Variants in AGBL1 observed in about 807,000 individuals in gnomAD.
The protein encoded by AGBL1 is cytosolic carboxypeptidase 4.
In AGBL1, 130 loss-of-function variants were observed where a neutral mutation model predicts 118.9. The ratio of observed to expected loss-of-function variants is 1.09; its 90% confidence interval spans 0.95 to 1.26. The LOEUF is 1.26. AGBL1 is among the 50% of genes most tolerant of loss of function. The pLI is 0.00. For missense variants in AGBL1, 1,584 were observed against 1,298.1 expected (o/e 1.22, Z -3.38); for synonymous variants, 555 against 478.9 (o/e 1.16, Z -2.08).
At chr15:86,426,418 T>C (rs2081867086) in intron 18 of AGBL1, among the ~76,000 whole-genome samples, 1 of 152,228 alleles carries the variant, frequency 6.6e-6, no homozygotes, top group Admixed American at 6.5e-5. Flanking sequence ...AGCTATTTGC[T>C]TAAGTGAGCA....
At chr15:86,580,364 A>G (rs1028978695) in intron 21 of AGBL1, among the ~76,000 whole-genome samples, 1 of 152,188 alleles carries the variant, frequency 6.6e-6, no homozygotes, top group African/African-American at 2.4e-5. Flanking sequence ...AGTCAACTTA[A>G]CTATGTATAC....
At position 86,613,741 on chromosome 15, in the gene AGBL1, G is replaced by A. The variant is rs946231630; in HGVS notation, c.2994+59204G>A. Among the ~76,000 whole-genome samples, 2 of 152,194 alleles carry A rather than the reference G, an allele frequency of 1.3e-5. No individual in the cohort carries two copies. Among genetic ancestry groups the A allele is most frequent in the Non-Finnish European group, 1.5e-5 (1 of 68,040 alleles). On this transcript the variant is annotated intron_variant, in intron 21 of 22. Coordinates refer to ENST00000614907, the MANE Select transcript of AGBL1 (RefSeq NM_001386094.1). The surrounding 1 kb of genome is among the most constrained non-coding windows in gnomAD (Gnocchi z 4.2). ...TACTCCAAGTAGGATCTTCAGAACA[G>A]CATCATCTCCATCACCAGGGAGCTT...
At chr15:86,101,329 T>A (rs1896701388) in intron 1 of AGBL1, among the ~76,000 whole-genome samples, 1 of 152,182 alleles carries the variant, frequency 6.6e-6, no homozygotes, top group Admixed American at 6.5e-5. Flanking sequence ...AAGTATATTC[T>A]GTAACTTGTG....
At chr15:86,283,907 G>A (rs1313050663) in intron 16 of AGBL1, among the ~76,000 whole-genome samples, 4 of 152,064 alleles carry the variant, frequency 2.6e-5, no homozygotes, top group African/African-American at 9.7e-5. Flanking sequence ...TTTAGTCTAG[G>A]TGTTGTGTTT....
intron 19 of AGBL1, among the ~76,000 whole-genome samples, chr15:86,539,801 G>A (rs2083470208): frequency 6.6e-6 from 1 of 152,172 alleles, no homozygotes; most frequent in South Asian, 2.1e-4. Flanking sequence ...CTCCCTTGGA[G>A]TGCAATGTGA....
intron 17 of AGBL1, among the ~76,000 whole-genome samples, chr15:86,347,457 C>A (rs532260411): frequency 6.6e-6 from 1 of 152,302 alleles, no homozygotes; most frequent in East Asian, 1.9e-4. Context: ...GAGTCATTGG[C>A]AAGCTTTGTT....
rs1426593369 is a variant in AGBL1, at chr15:86,224,966, T to A, written c.526+15T>A. 1.4e-5 allele frequency: 22 copies of A among 1,612,794 alleles called. 1 individual carries two copies. The highest frequency in any genetic ancestry group is 1.8e-5 in the Non-Finnish European group (21 of 1,179,214). ...GCTGAAATCCAGTAAGCACCTCTTT[T>A]GAAGGGTGGCTATTTCTCTCCACTC... On this transcript the variant is annotated intron_variant, in intron 6 of 22. Coordinates refer to ENST00000614907, the MANE Select transcript of AGBL1 (RefSeq NM_001386094.1).
At chr15:86,562,087 A>G (rs554336119) in intron 21 of AGBL1, among the ~76,000 whole-genome samples, 107 of 152,334 alleles carry the variant, frequency 7.0e-4, no homozygotes, top group African/African-American at 2.5e-3. Flanking sequence ...ATATACAATT[A>G]TGTCATCTGC....
chr15:86,608,335 G>T (rs1460130658), intron 21 of AGBL1, among the ~76,000 whole-genome samples: 1 of 152,198 alleles, frequency 6.6e-6, no homozygotes, highest in South Asian at 2.1e-4. Flanking sequence ...AAGCAGAGAA[G>T]AGGGACTGCT....
intron 23 of AGBL1, among the ~76,000 whole-genome samples, chr15:86,971,721 C>T (rs1191713807): frequency 2.0e-5 from 3 of 151,764 alleles, no homozygotes; most frequent in Non-Finnish European, 4.4e-5. Context: ...ATTCTTTGGC[C>T]AGCTGAATTA....
chr15:86,716,470 C>T (rs1173914326), intron 22 of AGBL1, among the ~76,000 whole-genome samples: 3 of 152,160 alleles, frequency 2.0e-5, no homozygotes, highest in South Asian at 2.1e-4. Context: ...TGTAGCTGAG[C>T]TAAATGTGTC....
chr15:86,877,085 A>T (rs2079820661), intron 22 of AGBL1, among the ~76,000 whole-genome samples: 1 of 152,178 alleles, frequency 6.6e-6, no homozygotes, highest in South Asian at 2.1e-4. Flanking sequence ...TCAGATCCAT[A>T]TAAGATAGGG....
intron 21 of AGBL1, among the ~76,000 whole-genome samples, chr15:86,650,438 T>A (rs978166527): frequency 6.6e-6 from 1 of 152,196 alleles, no homozygotes; most frequent in Non-Finnish European, 1.5e-5. Context: ...AAAATGACTA[T>A]GAAAGAAAAA....
chr15:86,739,613 C>T (rs1185006783), intron 22 of AGBL1, among the ~76,000 whole-genome samples: 1 of 151,702 alleles, frequency 6.6e-6, no homozygotes, highest in Non-Finnish European at 1.5e-5. Context: ...CCCACCTCTG[C>T]CAACTAACTT....
At chr15:86,589,124 T>A (rs528593658) in intron 21 of AGBL1, among the ~76,000 whole-genome samples, 1 of 152,250 alleles carries the variant, frequency 6.6e-6, no homozygotes, top group South Asian at 2.1e-4. Flanking sequence ...TTTTTGGGTA[T>A]CATTTTAGAA....
intron 23 of AGBL1, among the ~76,000 whole-genome samples, chr15:86,940,558 G>A (rs562845754): frequency 1.3e-5 from 2 of 152,224 alleles, no homozygotes; most frequent in South Asian, 4.1e-4. Context: ...AAAAATTATA[G>A]AAGGAAATTG....
intron 21 of AGBL1, chr15:86,630,329 A>G (rs2084944208): frequency 6.6e-6 from 1 of 152,242 alleles, no homozygotes; most frequent in Non-Finnish European, 1.5e-5. Flanking sequence ...TGTGGAACTC[A>G]GCGTTGGTCA....
chr15:86,253,137 C>A (rs907035452), intron 7 of AGBL1, among the ~76,000 whole-genome samples: 1 of 152,102 alleles, frequency 6.6e-6, no homozygotes, highest in Non-Finnish European at 1.5e-5. Context: ...CATGGCAGAG[C>A]ATTGTGAGTA....
intron 21 of AGBL1, among the ~76,000 whole-genome samples, chr15:86,618,894 T>C (rs2084766701): frequency 6.6e-6 from 1 of 152,166 alleles, no homozygotes; most frequent in Non-Finnish European, 1.5e-5. Context: ...ACTCCTTCTC[T>C]TGGGATACAG....
Sources: gnomAD v4.1 joint callset for allele counts (sites outside exome capture counted in the v4.1 genomes callset) on GRCh38, gnomAD v4.1.1 for gene constraint, Gnocchi (gnomAD v3.1) non-coding constraint, MANE v1.5 for transcripts, NCBI Gene and HGNC (gene_info 2026-07-23, HGNC 2026-07-21) for gene names.